SYNE2: variants seen among roughly 807,000 people sequenced by gnomAD.
The protein encoded by SYNE2 is nesprin-2.
In SYNE2, 431 loss-of-function variants were observed where a neutral mutation model predicts 856.3. That is an observed-to-expected ratio of 0.50 (90% CI 0.47 to 0.55). The LOEUF (loss-of-function observed/expected upper bound fraction) is 0.55, where lower values mean the gene tolerates loss of function less well. Ranked by LOEUF, SYNE2 falls within the 20% of genes least tolerant of loss-of-function variation. SYNE2 has a pLI of 0.00. For synonymous variants in SYNE2, 2,923 were observed against 2,872.3 expected, an observed-to-expected ratio of 1.02 and a Z score of -0.56; for missense variants, 8,129 against 8,023.2, an observed-to-expected ratio of 1.01 and a Z score of -0.50.
At chr14:64,208,720 A>G (rs2098622571) in intron 100 of SYNE2, 38 bp from the exon 101 acceptor site, 1 of 1,612,442 alleles carries the variant, frequency 6.2e-7, no homozygotes, top group Non-Finnish European at 8.5e-7. Context: ...TGCTGCCACC[A>G]ACATCTCAAG....
chr14:63,799,395 CTTTTTTTT>C (rs79092707), intron 1 of SYNE2, among the ~76,000 whole-genome samples: 10 of 128,442 alleles, frequency 7.8e-5, no homozygotes, highest in Non-Finnish European at 1.3e-4. Context: ...TGTTTTAAAA[CTTTTTTTT>C]TTTTTTTTTT....
chr14:63,996,809 C>G (rs1157965660), intron 23 of SYNE2, 138 bp from the exon 24 acceptor site: 21 of 802,636 alleles, frequency 2.6e-5, no homozygotes, highest in Non-Finnish European at 4.1e-5. Flanking sequence ...TTTTCTCTAG[C>G]GCCTATTGTC....
At chr14:64,005,178 T>C (rs2096786841) in intron 30 of SYNE2, among the ~76,000 whole-genome samples, 1 of 152,204 alleles carries the variant, frequency 6.6e-6, no homozygotes, top group African/African-American at 2.4e-5. Context: ...TCAAGTGACA[T>C]GGGAAGTCAT....
intron 66 of SYNE2, among the ~76,000 whole-genome samples, chr14:64,115,432 T>G (rs1335906145): frequency 1.3e-5 from 2 of 152,068 alleles, no homozygotes; most frequent in Admixed American, 6.6e-5. Context: ...AGGGAACTTA[T>G]GTGTCTAGCG....
chr14:64,082,462 A>C (rs563408853), intron 57 of SYNE2, among the ~76,000 whole-genome samples: 1 of 152,302 alleles, frequency 6.6e-6, no homozygotes, highest in East Asian at 1.9e-4. Flanking sequence ...AGCAGAGTGC[A>C]GAGAGATTCT....
At chr14:64,199,228 C>A (rs1420695010) in intron 99 of SYNE2, among the ~76,000 whole-genome samples, 1 of 152,152 alleles carries the variant, frequency 6.6e-6, no homozygotes. Context: ...GCAAAATGAT[C>A]CTGTATCTCC....
chr14:64,137,836 T>G lies in SYNE2; in HGVS notation c.14696T>G (p.Leu4899Arg). ...GGKHARLYQT[L>R]NEGKQLVASV... ...AAACACGCCCGGCTTTACCAAACTC[T>G]GAACGAAGGCAAACAGTTGGTGGCG... Residue 4899 changes from leucine to arginine, a missense_variant, in exon 79 of 116, where the codon CTG (leucine) becomes CGG (arginine). By Grantham distance (102) the Leu-to-Arg change is moderately radical. Transcript: ENST00000555002. 6.2e-7 allele frequency: 1 copy of G among 1,614,230 alleles called. No homozygotes were observed. The highest frequency in any genetic ancestry group is 1.1e-5 in the South Asian group (1 of 91,088).
intron 1 of SYNE2, among the ~76,000 whole-genome samples, chr14:63,861,291 C>T (rs887015496): frequency 4.6e-5 from 7 of 151,638 alleles, no homozygotes; most frequent in East Asian, 1.9e-4. Context: ...ATTACAGGTG[C>T]GCACCACCAC....
intron 96 of SYNE2, among the ~76,000 whole-genome samples, chr14:64,182,892 C>T (rs1484957799): frequency 3.3e-5 from 5 of 152,232 alleles, no homozygotes; most frequent in Non-Finnish European, 7.3e-5. Context: ...TCTTAATGAG[C>T]TGTTGGGTAC....
chr14:63,945,104 CTTTTTTTTTTTT>C (rs34692882), intron 6 of SYNE2, among the ~76,000 whole-genome samples: 2 of 106,254 alleles, frequency 1.9e-5, no homozygotes, highest in South Asian at 3.3e-4. Context: ...CACACCTGGC[CTTTTTTTTTTTT>C]TTTTTTTTTT....
At chr14:63,992,717 CA>C (rs1252675081) in intron 21 of SYNE2, among the ~76,000 whole-genome samples, 2 of 152,186 alleles carry the variant, frequency 1.3e-5, no homozygotes, top group African/African-American at 4.8e-5. Context: ...ACAACAGAAG[CA>C]AGATCCCTGC....
chr14:64,029,950 G>A lies in SYNE2; in HGVS notation c.6770G>A (p.Cys2257Tyr). The change falls in exon 44 of 116, where the codon TGC becomes TAC. Residue 2257 changes from cysteine (C) to tyrosine (Y), a missense_variant. This residue lies in a region of SYNE2 where 297 missense variants were observed against 380.9 expected (regional missense o/e 0.78). Transcript: ENST00000555002. ...HVREHDSYQV[C>Y]VTDLNTTLDN... ...CGAGAACATGATTCATACCAGGTTT[G>A]CGTCACAGACCTGAATACTACATTG... 1 of 1,614,122 alleles carries A rather than the reference G, an allele frequency of 6.2e-7. No homozygotes were observed.
chr14:63,778,396 A>C (rs1475775266), intron 1 of SYNE2, among the ~76,000 whole-genome samples: 2 of 152,222 alleles, frequency 1.3e-5, no homozygotes. Context: ...AAAATGGATG[A>C]ATACATGCTA....
chr14:64,024,603 CT>C, intron 39 of SYNE2, 144 bp downstream of exon 39: 1 of 869,222 alleles, frequency 1.2e-6, no homozygotes. Flanking sequence ...AGGTTTGGTG[CT>C]AGAAATATAA....
intron 100 of SYNE2, among the ~76,000 whole-genome samples, chr14:64,206,495 G>A (rs1369827058): frequency 6.6e-6 from 1 of 150,444 alleles, no homozygotes; most frequent in African/African-American, 2.4e-5. Context: ...AGGCCATTGT[G>A]TGGTGTTTTA....
At chr14:63,801,561 C>A (rs1207748246) in intron 1 of SYNE2, among the ~76,000 whole-genome samples, 6 of 152,028 alleles carry the variant, frequency 3.9e-5, no homozygotes, top group African/African-American at 1.4e-4. Flanking sequence ...TGCCTGTAAT[C>A]CCAGCTACTC....
chr14:63,928,172 T>C (rs1005977770), intron 2 of SYNE2, among the ~76,000 whole-genome samples: 1 of 152,022 alleles, frequency 6.6e-6, no homozygotes, highest in Non-Finnish European at 1.5e-5. Context: ...AGGTTATATT[T>C]GAGAATGATA....
chr14:63,917,336 C>T (rs948733245), intron 2 of SYNE2, among the ~76,000 whole-genome samples: 5 of 152,274 alleles, frequency 3.3e-5, no homozygotes, highest in South Asian at 2.1e-4. Flanking sequence ...AGCTATAGTC[C>T]CTCACTGGCT....
intron 1 of SYNE2, among the ~76,000 whole-genome samples, chr14:63,782,571 C>A (rs964978963): frequency 6.7e-6 from 1 of 149,840 alleles, no homozygotes; most frequent in Non-Finnish European, 1.5e-5. Context: ...ATTTGATCAT[C>A]AAAATAAATA....
Sources: allele counts gnomAD v4.1 joint callset (sites outside exome capture counted in the v4.1 genomes callset), GRCh38; gene constraint gnomAD v4.1.1; regional missense constraint gnomAD v4.1.1; transcripts MANE v1.5; gene names NCBI Gene and HGNC (gene_info 2026-07-23, HGNC 2026-07-21).